SHANK2: variants seen among roughly 807,000 people sequenced by gnomAD.
The protein encoded by SHANK2 is SH3 and multiple ankyrin repeat domains protein 2.
In SHANK2, 43 loss-of-function variants were observed where a neutral mutation model predicts 133.7. The observed-to-expected ratio is 0.32, with a 90% CI of 0.25 to 0.41. The LOEUF is 0.41. Among genes scored for constraint, SHANK2 ranks in the 10% least tolerant of loss-of-function variants. The pLI is 1.00. For synonymous variants in SHANK2, 1,017 were observed against 952.8 expected (o/e 1.07, Z -1.24); for missense variants, 1,994 against 2,235.8 (o/e 0.89, Z 2.18).
chr11:70,945,816 A>T (rs1950717357), intron 10 of SHANK2, among the ~76,000 whole-genome samples: 1 of 152,006 alleles, frequency 6.6e-6, no homozygotes, highest in Non-Finnish European at 1.5e-5. Flanking sequence ...TCGAGGGCTC[A>T]CCCTTCCAGC....
intron 17 of SHANK2, among the ~76,000 whole-genome samples, chr11:70,653,796 G>A (rs1426854742): frequency 1.3e-5 from 2 of 152,086 alleles, no homozygotes; most frequent in Non-Finnish European, 2.9e-5. Context: ...ACCATGCCCA[G>A]CTAATTTTTG....
intron 21 of SHANK2, among the ~76,000 whole-genome samples, chr11:70,494,287 G>A (rs971406628): frequency 2.6e-5 from 4 of 152,248 alleles, no homozygotes; most frequent in East Asian, 1.9e-4. Context: ...TGCCCCCACC[G>A]GGCCAGAACC....
At chr11:71,140,043 C>T (rs1175300000) in intron 3 of SHANK2, among the ~76,000 whole-genome samples, 5 of 152,226 alleles carry the variant, frequency 3.3e-5, no homozygotes, top group Admixed American at 2.6e-4. Flanking sequence ...CAGCTCCTGG[C>T]TGGCTCCTCC....
chr11:70,576,047 T>A (rs529350692), intron 17 of SHANK2, among the ~76,000 whole-genome samples: 150 of 152,060 alleles, frequency 9.9e-4, no homozygotes, highest in African/African-American at 3.4e-3. Context: ...GGAAATGTGT[T>A]CCCCCCTCTC....
At chr11:71,119,059 T>C (rs1952035387) in intron 3 of SHANK2, 27 bp from the exon 4 acceptor site, 1 of 1,548,712 alleles carries the variant, frequency 6.5e-7, no homozygotes, top group Non-Finnish European at 8.7e-7. Flanking sequence ...AGACAGCTGA[T>C]GAGTGACAGA....
intron 16 of SHANK2, among the ~76,000 whole-genome samples, chr11:70,660,733 A>T (rs1243680706): frequency 6.6e-6 from 1 of 152,222 alleles, no homozygotes; most frequent in Admixed American, 6.5e-5. Flanking sequence ...TCACAGAGAC[A>T]GATGCATCTG....
chr11:71,226,236 G>C (rs1954641512), intron 1 of SHANK2, among the ~76,000 whole-genome samples: 1 of 152,218 alleles, frequency 6.6e-6, no homozygotes, highest in Non-Finnish European at 1.5e-5. Flanking sequence ...CAGTGAACTG[G>C]AAGACAGAAC....
In SHANK2 at chr11:71,067,672, C is replaced by T. The variant is rs953808316; in HGVS notation, c.1029+7487G>A. On this transcript the variant is annotated intron_variant, in intron 9 of 25. Coordinates refer to ENST00000601538, the MANE Select transcript of SHANK2 (RefSeq NM_012309.5). ...AAGGAGAGGCTTGTTACAGGAATAT[C>T]GTCAATAGCAGCATCACCATCATCA... Among the ~76,000 whole-genome samples the T allele has an allele frequency of 1.0e-3, 155 of 152,072 alleles. 4 individuals are homozygous for T. Among genetic ancestry groups the T allele is most frequent in the Non-Finnish European group, 6.0e-4 (41 of 68,008 alleles).
intron 17 of SHANK2, among the ~76,000 whole-genome samples, chr11:70,648,445 T>A (rs1417537760): frequency 1.3e-5 from 2 of 152,212 alleles, no homozygotes; most frequent in East Asian, 1.9e-4. Flanking sequence ...GGTGGCAGCA[T>A]CCCTGGTTTT....
At chr11:71,178,587 C>T (rs1953489512) in intron 2 of SHANK2, among the ~76,000 whole-genome samples, 1 of 152,158 alleles carries the variant, frequency 6.6e-6, no homozygotes, top group East Asian at 1.9e-4. Context: ...AGATATTATG[C>T]TATGCACATT....
intron 2 of SHANK2, among the ~76,000 whole-genome samples, chr11:71,221,540 A>T (rs1555121105): frequency 6.6e-6 from 1 of 152,248 alleles, no homozygotes; most frequent in Non-Finnish European, 1.5e-5. Context: ...TACACCCACA[A>T]GTGGAAAATA....
intron 10 of SHANK2, among the ~76,000 whole-genome samples, chr11:70,947,354 T>A (rs1199029295): frequency 9.1e-5 from 1 of 10,982 alleles, no homozygotes; most frequent in African/African-American, 1.6e-4. Flanking sequence ...GACATCTACA[T>A]TTTTTTTTTT....
intron 2 of SHANK2, among the ~76,000 whole-genome samples, chr11:71,148,147 T>C (rs1952693486): frequency 1.3e-5 from 2 of 151,216 alleles, no homozygotes; most frequent in Admixed American, 6.6e-5. Context: ...TGCAATGGCG[T>C]GATCTCGGCT....
At chr11:70,645,032 G>C (rs984484884) in intron 17 of SHANK2, among the ~76,000 whole-genome samples, 2 of 152,090 alleles carry the variant, frequency 1.3e-5, no homozygotes, top group African/African-American at 4.8e-5. Flanking sequence ...GACGAGCCTG[G>C]CCAACATGGT....
chr11:70,605,982 A>G (rs2060571655), intron 17 of SHANK2, among the ~76,000 whole-genome samples: 1 of 152,288 alleles, frequency 6.6e-6, no homozygotes, highest in South Asian at 2.1e-4. Context: ...GATGGCATGA[A>G]GTACCCTCAG....
rs528814919 is a variant in SHANK2, at chr11:70,836,527, C to T, written c.1175-15845G>A. ...CAAGGCCTGGACCTCTACATCGTTC[C>T]TGTTGCTCCCCCATGGGTAGACGCT... On this transcript the variant is annotated intron_variant, in intron 11 of 25. Coordinates refer to ENST00000601538, the MANE Select transcript of SHANK2 (RefSeq NM_012309.5). Among the ~76,000 whole-genome samples the T allele has an allele frequency of 8.5e-5, 13 of 152,344 alleles. No homozygotes were observed. In the East Asian group the frequency reaches 2.3e-3, roughly 27 times the overall value.
At chr11:71,231,109 C>G (rs1313749893) in intron 1 of SHANK2, among the ~76,000 whole-genome samples, 3 of 152,090 alleles carry the variant, frequency 2.0e-5, no homozygotes, top group African/African-American at 7.2e-5. Flanking sequence ...GAAAGACCTG[C>G]TGAAAGGAGA....
intron 9 of SHANK2, among the ~76,000 whole-genome samples, chr11:71,063,888 A>G (rs1430346353): frequency 2.0e-5 from 3 of 152,072 alleles, no homozygotes; most frequent in African/African-American, 7.2e-5. Flanking sequence ...TGGGGCTCGC[A>G]CTGTGCCCGC....
chr11:70,472,695 G>A lies in SHANK2; in HGVS notation c.*174C>T. The stretch of plus-strand genomic sequence containing the variant: ...CAAGACACCCACATGGTGAGCCAGG[G>A]GTCTGAAGACCCAGCCATGTTGTGG... On this transcript the variant is annotated 3_prime_UTR_variant, in exon 26 of 26. Transcript: ENST00000601538. This position sits in a 1 kb window ranked among gnomAD's most constrained non-coding sequence, Gnocchi z 4.4. 1 of 676,898 alleles carries A rather than the reference G, an allele frequency of 1.5e-6. No individual in the cohort carries two copies. Among genetic ancestry groups the A allele is most frequent in the Non-Finnish European group, 2.6e-6 (1 of 380,736 alleles). 41.9% of individuals were successfully genotyped at this position (676,898 alleles called of 1,614,324 possible).
Sources: gnomAD v4.1 joint callset for allele counts (sites outside exome capture counted in the v4.1 genomes callset) on GRCh38, gnomAD v4.1.1 for gene constraint, Gnocchi (gnomAD v3.1) non-coding constraint, MANE v1.5 for transcripts, NCBI Gene and HGNC (gene_info 2026-07-23, HGNC 2026-07-21) for gene names.